Variants in IGFN1 observed in about 807,000 individuals in gnomAD.
The protein encoded by IGFN1 is immunoglobulin-like and fibronectin type III domain-containing protein 1.
A neutral mutation model predicts 289.5 loss-of-function variants in IGFN1; 253 were observed. The ratio of observed to expected loss-of-function variants is 0.87; its 90% CI spans 0.79 to 0.97. The LOEUF (loss-of-function observed/expected upper bound fraction) is 0.97. IGFN1 is among the 50% of genes least tolerant of loss of function. The pLI, the probability that IGFN1 is intolerant of heterozygous loss-of-function variation, is 0.00. For missense variants in IGFN1, 4,470 were observed against 4,686.1 expected (o/e 0.95, Z 1.35); for synonymous variants, 1,706 against 1,788.5 (o/e 0.95, Z 1.16).
intron 23 of IGFN1, 130 bp downstream of exon 23, chr1:201,227,338 GA>G (rs1476989753): frequency 1.6e-6 from 1 of 645,112 alleles, no homozygotes; most frequent in Non-Finnish European, 2.6e-6. Context: ...CTCTCTGCCT[GA>G]CTCTATGAAC....
rs532138158 is a variant in IGFN1, at chr1:201,217,534, A to G, written c.9769+74A>G. 46 of 1,505,730 alleles carry G rather than the reference A, an allele frequency of 3.1e-5. No homozygotes were observed. The East Asian group carries it at 9.3e-4, about 30-fold the overall frequency. The allele number at this position is 1,505,730 out of a possible 1,614,324, so 93.3% of individuals were successfully genotyped here. On this transcript the variant is annotated intron_variant, in intron 17 of 23. Coordinates refer to ENST00000335211, the MANE Select transcript of IGFN1 (RefSeq NM_001164586.2). ...CAGGATCCCAGGGACTTTTCAGTTC[A>G]GATTGGTTTAATACAGTCGTTCTCG...
rs146376343 is a variant in IGFN1, at chr1:201,217,379, G to C, written c.9688G>C (p.Ala3230Pro). The C allele has an allele frequency of 5.0e-6, 8 of 1,614,070 alleles. No homozygotes were observed. The African/African-American group carries it at 9.3e-5, about 19-fold the overall frequency. ...TWTAPRGPGS[A>P]HILGYLIERR... ...GACAGCACCTCGGGGCCCCGGCAGC[G>C]CCCACATCCTGGGCTACCTGATCGA... Residue 3230 changes from alanine (A) to proline (P), a missense_variant, in exon 17 of 24, where the codon GCC becomes CCC. Physicochemically the swap from Ala to Pro is conservative, Grantham distance 27 (BLOSUM62 -1). This residue lies in a region of IGFN1 where 2,218 missense variants were observed against 2,114.1 expected (regional missense o/e 1.05). Transcript: ENST00000335211.
At position 201,213,441 on chromosome 1, in the gene IGFN1, T is replaced by C. The variant is rs1408948128; in HGVS notation, c.8548T>C (p.Trp2850Arg). 2 of 1,613,748 alleles carry C rather than the reference T, an allele frequency of 1.2e-6. No homozygotes were observed. Among genetic ancestry groups the C allele is most frequent in the Non-Finnish European group, 1.7e-6 (2 of 1,179,880 alleles). The change falls in exon 12 of 24, where the codon TGG becomes CGG. Residue 2850 changes from tryptophan to arginine, a missense_variant. Trp to Arg is a moderately radical substitution (Grantham distance 101). Around this residue, in one of 8 missense-constraint regions of IGFN1, gnomAD observed 2,218 missense variants for 2,114.1 expected, o/e 1.05. Transcript: ENST00000335211. ...SMGWQPMGEN[W>R]GCLEEMLNED... ...GGGGTGGCAGCCTATGGGAGAGAAC[T>C]GGGGGTGCCTGGAGGAGATGCTGAA...
At chr1:201,214,756 T>A (rs1466588895) in intron 13 of IGFN1, among the ~76,000 whole-genome samples, 1 of 152,170 alleles carries the variant, frequency 6.6e-6, no homozygotes, top group African/African-American at 2.4e-5. Flanking sequence ...CCACTACCAG[T>A]TATAAGACTT....
Position 201,206,572 on chromosome 1 carries a change from A to G in IGFN1, c.1679A>G (p.Glu560Gly). The G allele has an allele frequency of 6.5e-7, 1 of 1,550,082 alleles. No homozygotes were observed. The highest frequency in any genetic ancestry group is 8.7e-7 in the Non-Finnish European group (1 of 1,146,994). Residue 560 changes from glutamate (E) to glycine (G), a missense_variant, in exon 12 of 24, where the codon GAG becomes GGG. By Grantham distance (98) the Glu-to-Gly change is moderately conservative. Around this residue, in one of 8 missense-constraint regions of IGFN1, gnomAD observed 2,011 missense variants for 1,953.4 expected, o/e 1.03. Coordinates refer to ENST00000335211, the MANE Select transcript of IGFN1 (RefSeq NM_001164586.2). Reference sequence around the variant, plus strand: ...TGCTGGAGGAAAGCAGGAGGCTGGGAGGCTGGGTCCAGTCGGCTTCAGGCT... The same window carrying G: ...TGCTGGAGGAAAGCAGGAGGCTGGGGGGCTGGGTCCAGTCGGCTTCAGGCT... ...DECWRKAGGW[E>G]AGSSRLQAGG... is the part of the protein sequence containing the mutation.
In IGFN1 at chr1:201,207,246, G is replaced by A. The variant is rs756251166; in HGVS notation, c.2353G>A (p.Glu785Lys). ...AGGCCCAGGAGACCCCAGAGGCTGC[G>A]AAGGTGTCCTACAGGAGCTCAGGGG... Reference protein sequence around the residue: ...PGGPGDPRGCEGVLQELRGRD... With the variant: ...PGGPGDPRGCKGVLQELRGRD... The change falls in exon 12 of 24, where the codon GAA becomes AAA. Residue 785 changes from glutamate to lysine, a missense_variant. By Grantham distance (56) the Glu-to-Lys change is moderately conservative (BLOSUM62 1). Coordinates refer to ENST00000335211, the MANE Select transcript of IGFN1 (RefSeq NM_001164586.2). 21 of 1,536,634 alleles carry A rather than the reference G, an allele frequency of 1.4e-5. No individual in the cohort carries two copies. The highest frequency in any genetic ancestry group is 9.8e-5 in the Admixed American group (5 of 50,976).
intron 4 of IGFN1, among the ~76,000 whole-genome samples, chr1:201,196,690 G>A (rs931306922): frequency 6.6e-6 from 1 of 152,150 alleles, no homozygotes; most frequent in African/African-American, 2.4e-5. Context: ...TGTCTAGCTA[G>A]TGCCTGGCCT....
chr1:201,204,880 C>T (rs1248696969), intron 10 of IGFN1, among the ~76,000 whole-genome samples: 1 of 152,142 alleles, frequency 6.6e-6, no homozygotes, highest in Non-Finnish European at 1.5e-5. Flanking sequence ...TGAAAATAAG[C>T]CTCATTGCTC....
chr1:201,217,392 GC>G lies in IGFN1; in HGVS notation c.9702del (p.Tyr3235ThrfsTer2). On this transcript the variant is annotated frameshift_variant, in exon 17 of 24. Transcript: ENST00000335211. LOFTEE classifies it high-confidence loss of function. ...GGCCCCGGCAGCGCCCACATCCTGG[GC>G]TACCTGATCGAGAGGCGTAAGAAGG... ...PRGPGSAHIL[G>X]YLIERRKKGS... 2.5e-6 allele frequency: 4 copies of G among 1,614,182 alleles called. No homozygotes were observed.
intron 21 of IGFN1, 66 bp downstream of exon 21, chr1:201,224,940 C>A: frequency 1.6e-6 from 2 of 1,242,356 alleles, no homozygotes; most frequent in Non-Finnish European, 2.3e-6. Flanking sequence ...AAGAGGTGTC[C>A]ACTGGTCTGA....
intron 6 of IGFN1, 106 bp from the exon 7 acceptor site, chr1:201,199,503 C>T: frequency 7.1e-7 from 1 of 1,406,256 alleles, no homozygotes; most frequent in Non-Finnish European, 9.8e-7. Flanking sequence ...TTCAAGAGAG[C>T]CCCTTCCAAA....
intron 9 of IGFN1, 84 bp downstream of exon 9, chr1:201,201,916 T>G: frequency 2.1e-5 from 15 of 714,326 alleles, no homozygotes; most frequent in Non-Finnish European, 2.7e-5. Context: ...GTACCCTGCA[T>G]TCCTCCAAGG....
rs776795356 is a variant in IGFN1 at position 201,217,295 on chromosome 1, A to G, written c.9604A>G (p.Lys3202Glu). 6.2e-5 allele frequency: 100 copies of G among 1,613,558 alleles called. No individual in the cohort carries two copies. Among genetic ancestry groups the G allele is most frequent in the Middle Eastern group, 3.4e-4 (2 of 5,914 alleles). Residue 3202 changes from lysine to glutamate, a missense_variant, in exon 17 of 24, where the codon AAG becomes GAG. By Grantham distance (56) the Lys-to-Glu change is moderately conservative. Around this residue, in one of 8 missense-constraint regions of IGFN1, gnomAD observed 2,218 missense variants for 2,114.1 expected, o/e 1.05. Coordinates refer to ENST00000335211, the MANE Select transcript of IGFN1 (RefSeq NM_001164586.2). ...EILVAPEALP[K>E]APSAPAILSA... ...ATCTTTCTTACCCCCAGCTCTCCCC[A>G]AGGCCCCTTCCGCGCCAGCCATCCT... is the stretch of plus-strand genomic sequence containing the variant.
intron 16 of IGFN1, among the ~76,000 whole-genome samples, 197 bp downstream of exon 16, chr1:201,216,950 G>A (rs1425641280): frequency 2.6e-5 from 4 of 152,116 alleles, no homozygotes; most frequent in Non-Finnish European, 5.9e-5. Context: ...GTTTTACAGA[G>A]TCTCCAGGAG....
intron 12 of IGFN1, 110 bp from the exon 13 acceptor site, chr1:201,214,066 CT>C: frequency 8.5e-7 from 1 of 1,172,724 alleles, no homozygotes; most frequent in Non-Finnish European, 1.2e-6. Context: ...GGAACCAGCC[CT>C]GCTGACACCA....
chr1:201,224,957 G>C (rs939341416), intron 21 of IGFN1, 83 bp downstream of exon 21: 2 of 1,006,142 alleles, frequency 2.0e-6, no homozygotes, highest in Non-Finnish European at 2.9e-6. Context: ...CTGATCATAG[G>C]TCTCAGCCAC....
Position 201,228,933 on chromosome 1 carries a change from A to C in IGFN1, c.*534A>C, listed in dbSNP as rs1241476532. The C allele has an allele frequency of 6.4e-6, 1 of 155,212 alleles. No homozygotes were observed. The highest frequency in any genetic ancestry group is 2.4e-5 in the African/African-American group (1 of 41,444). The allele number at this position is 155,212 out of a possible 1,614,324, so 9.6% of individuals were successfully genotyped here. ...GCTTTCTATGCGTTTCTTCATTAAA[A>C]CATTAGGCTAATACAGGCAGATCAT... is the stretch of plus-strand genomic sequence containing the variant. On this transcript the variant is annotated 3_prime_UTR_variant, in exon 24 of 24. Coordinates refer to ENST00000335211, the MANE Select transcript of IGFN1 (RefSeq NM_001164586.2).
chr1:201,195,947 C>T lies in IGFN1; in HGVS notation c.236C>T (p.Ser79Phe). 1 of 1,551,894 alleles carries T rather than the reference C, an allele frequency of 6.4e-7. No individual in the cohort carries two copies. The highest frequency in any genetic ancestry group is 8.7e-7 in the Non-Finnish European group (1 of 1,147,038). Residue 79 changes from serine (S) to phenylalanine (F), a missense_variant, in exon 4 of 24, where the codon TCC becomes TTC. Ser to Phe is a radical substitution (Grantham distance 155). This residue lies in a region of IGFN1 where 2,011 missense variants were observed against 1,953.4 expected (regional missense o/e 1.03). Transcript: ENST00000335211. ...GATTCCAGCAAGTACAAGATCTCCT[C>T]CAGCCCTGGCAGCAAGGAGCACGTG... is the stretch of plus-strand genomic sequence containing the variant. ...LSDSSKYKIS[S>F]SPGSKEHVLQ...
chr1:201,226,009 C>A lies in IGFN1; in HGVS notation c.10672C>A (p.Leu3558Ile), dbSNP rs753058162. ...ADRIHTNRFT[L>I]LGILPGHEYH... ...CCGCATCCACACCAACCGCTTCACC[C>A]TCCTGGGCATCCTCCCCGGCCACGA... Residue 3558 changes from leucine to isoleucine, a missense_variant, in exon 22 of 24, where the codon CTC (leucine) becomes ATC (isoleucine). This residue lies in a region of IGFN1 where 2,218 missense variants were observed against 2,114.1 expected (regional missense o/e 1.05). Transcript: ENST00000335211. The A allele has an allele frequency of 6.3e-7, 1 of 1,580,554 alleles. No individual in the cohort carries two copies. Among genetic ancestry groups the A allele is most frequent in the East Asian group, 2.3e-5 (1 of 43,744 alleles).
Sources: gnomAD v4.1 joint callset for allele counts (sites outside exome capture counted in the v4.1 genomes callset) on GRCh38, gnomAD v4.1.1 for gene constraint, gnomAD v4.1.1 regional missense constraint, MANE v1.5 for transcripts, NCBI Gene and HGNC (gene_info 2026-07-23, HGNC 2026-07-21) for gene names.